The following GRIN2B variants were observed in gnomAD, a reference collection of about 807,000 sequenced individuals.
The protein encoded by GRIN2B is glutamate receptor ionotropic, NMDA 2B.
In GRIN2B, 5 loss-of-function variants were observed where a neutral mutation model predicts 114.5. That is an observed-to-expected ratio of 0.04 (90% CI 0.02 to 0.09). GRIN2B has a LOEUF of 0.09. GRIN2B is among the 10% of genes least tolerant of loss of function. GRIN2B has a pLI of 1.00. For missense variants in GRIN2B, 1,108 were observed against 1,943.5 expected (o/e 0.57, Z 8.08); for synonymous variants, 787 against 745.1 (o/e 1.06, Z -0.92).
At chr12:13,565,853 G>T (rs1301284905) in intron 13 of GRIN2B, among the ~76,000 whole-genome samples, 1 of 152,202 alleles carries the variant, frequency 6.6e-6, no homozygotes, top group Non-Finnish European at 1.5e-5. Flanking sequence ...AGATCTTCAA[G>T]GTAAGGTTAT....
At chr12:13,601,620 A>G (rs1949163326) in intron 10 of GRIN2B, among the ~76,000 whole-genome samples, 2 of 152,130 alleles carry the variant, frequency 1.3e-5, no homozygotes, top group Non-Finnish European at 2.9e-5. Context: ...TCAGGCCCCA[A>G]CAAGGTAGTA....
At chr12:13,921,351 T>G (rs754941665) in intron 2 of GRIN2B, among the ~76,000 whole-genome samples, 1 of 152,132 alleles carries the variant, frequency 6.6e-6, no homozygotes, top group East Asian at 1.9e-4. Flanking sequence ...TGAACCTAGA[T>G]TGTGCCACTG....
At chr12:13,837,832 C>T (rs549709032) in intron 3 of GRIN2B, among the ~76,000 whole-genome samples, 1 of 152,182 alleles carries the variant, frequency 6.6e-6, no homozygotes, top group South Asian at 2.1e-4. Flanking sequence ...GGGATGGCTG[C>T]TATGGTGTGG....
chr12:13,669,682 G>C (rs1950006028), intron 5 of GRIN2B, among the ~76,000 whole-genome samples: 1 of 152,154 alleles, frequency 6.6e-6, no homozygotes, highest in Non-Finnish European at 1.5e-5. Context: ...CACCATGCTA[G>C]GCACAGAGGT....
chr12:13,865,918 C>T lies in GRIN2B; in HGVS notation c.291G>A (p.Val97=), dbSNP rs202223470. ...DLMSDRKIQG[V]VFADDTDQEA... ...CCTGGTCTGTGTCATCAGCAAACAC[C>T]ACCCCCTGGATCTTCCGGTCAGACA... is the stretch of plus-strand genomic sequence containing the variant. Residue 97 remains valine (V), a synonymous_variant, in exon 3 of 14, where the codon GTG becomes GTA. Coordinates refer to ENST00000609686, the MANE Select transcript of GRIN2B (RefSeq NM_000834.5). 261 of 1,613,928 alleles carry T rather than the reference C, an allele frequency of 1.6e-4. No homozygotes were observed. The highest frequency in any genetic ancestry group is 2.1e-4 in the Non-Finnish European group (247 of 1,179,978).
chr12:13,626,464 T>A (rs1415042551), intron 5 of GRIN2B, among the ~76,000 whole-genome samples: 3 of 152,028 alleles, frequency 2.0e-5, no homozygotes, highest in African/African-American at 4.8e-5. Context: ...TATTCTCAAA[T>A]GACAGTTGTG....
intron 4 of GRIN2B, among the ~76,000 whole-genome samples, chr12:13,732,405 G>T (rs978346345): frequency 6.6e-6 from 1 of 152,012 alleles, no homozygotes; most frequent in Non-Finnish European, 1.5e-5. Context: ...CCAAATCTTT[G>T]TTCATGCTAT....
chr12:13,840,214 C>T (rs1005977376), intron 3 of GRIN2B, among the ~76,000 whole-genome samples: 5 of 152,200 alleles, frequency 3.3e-5, no homozygotes, highest in Non-Finnish European at 7.3e-5. Flanking sequence ...GCCAACTTCA[C>T]TCCCTCTGGA....
chr12:13,657,447 C>G (rs988020207), intron 5 of GRIN2B, among the ~76,000 whole-genome samples: 1 of 152,150 alleles, frequency 6.6e-6, no homozygotes, highest in African/African-American at 2.4e-5. Context: ...CCCAGGAGGG[C>G]AGTGCTTGCT....
chr12:13,907,212 C>A (rs187139119), intron 2 of GRIN2B, among the ~76,000 whole-genome samples: 19 of 152,214 alleles, frequency 1.2e-4, no homozygotes, highest in Non-Finnish European at 2.1e-4. Flanking sequence ...TCCAGAGGGC[C>A]GGGCGTGGTG....
intron 3 of GRIN2B, among the ~76,000 whole-genome samples, chr12:13,812,970 T>G (rs904784558): frequency 6.9e-5 from 10 of 144,992 alleles, no homozygotes; most frequent in Non-Finnish European, 1.3e-4. Flanking sequence ...AGTATTGCTG[T>G]CTCTCCAGGC....
At position 13,563,652 on chromosome 12, in the gene GRIN2B, G is replaced by T; in HGVS notation, c.3586C>A (p.Pro1196Thr). 6.2e-7 allele frequency: 1 copy of T among 1,613,768 alleles called. No individual in the cohort carries two copies. Among genetic ancestry groups the T allele is most frequent in the Non-Finnish European group, 8.5e-7 (1 of 1,180,034 alleles). Residue 1196 changes from proline (P) to threonine (T), a missense_variant, in exon 14 of 14, where the codon CCT (proline) becomes ACT (threonine). Physicochemically the swap from Pro to Thr is conservative, Grantham distance 38. Transcript: ENST00000609686. The part of the protein sequence containing the change: ...KHGVVSGVPA[P>T]WEKNLTNVEW... ...ACGTTGGTCAGGTTCTTCTCCCAAG[G>T]TGCAGGTACCCCGCTGACCACGCCG... is the stretch of plus-strand genomic sequence containing the variant.
intron 10 of GRIN2B, among the ~76,000 whole-genome samples, chr12:13,606,372 G>C (rs781644882): frequency 1.9e-4 from 29 of 152,274 alleles, no homozygotes; most frequent in Middle Eastern, 3.4e-3. Flanking sequence ...GGAAGCAAGA[G>C]AGAGGGGAGG....
intron 2 of GRIN2B, among the ~76,000 whole-genome samples, chr12:13,888,627 G>A (rs1457095833): frequency 4.0e-5 from 6 of 151,666 alleles, no homozygotes; most frequent in East Asian, 3.9e-4. Flanking sequence ...CCAGCTACTC[G>A]GGAGGCTGAG....
Position 13,549,218 on chromosome 12 carries a change from G to C in GRIN2B, c.*13565C>G, listed in dbSNP as rs186057667. The C allele has an allele frequency of 6.6e-6, 1 of 152,112 alleles. No homozygotes were observed. Among genetic ancestry groups the C allele is most frequent in the Non-Finnish European group, 1.5e-5 (1 of 68,014 alleles). 9.4% of individuals were successfully genotyped at this position (152,112 alleles called of 1,614,324 possible). A position where few individuals can be genotyped will look rare whatever the true frequency, so the allele number is the denominator to read the frequency against. ...TTGTTGCAAGATTCTCTGATCTGCG[G>C]GTGCTTAATAAATAATTCACCATTG... On this transcript the variant is annotated 3_prime_UTR_variant, in exon 14 of 14. Transcript: ENST00000609686.
chr12:13,603,208 A>C (rs919358527), intron 10 of GRIN2B, among the ~76,000 whole-genome samples: 15 of 152,234 alleles, frequency 9.9e-5, no homozygotes, highest in Admixed American at 7.9e-4. Flanking sequence ...AATGTCTCTA[A>C]AAGGCTTATT....
At chr12:13,773,832 G>A (rs2136648494) in intron 3 of GRIN2B, among the ~76,000 whole-genome samples, 1 of 152,292 alleles carries the variant, frequency 6.6e-6, no homozygotes, top group South Asian at 2.1e-4. Flanking sequence ...GGTACATAGA[G>A]GGGAACTAGT....
chr12:13,888,930 T>C (rs1119262), intron 2 of GRIN2B, among the ~76,000 whole-genome samples: 23,169 of 152,070 alleles, frequency 0.15, 2,100 homozygotes, highest in South Asian at 0.19. Context: ...AAACATTGAA[T>C]ACTTAGGATA....
At chr12:13,707,755 G>GA (rs928023132) in intron 4 of GRIN2B, among the ~76,000 whole-genome samples, 41 of 150,512 alleles carry the variant, frequency 2.7e-4, no homozygotes, top group Admixed American at 7.9e-4. Flanking sequence ...CAGTAAAATT[G>GA]AAAAAAAAAT....
Sources: gnomAD v4.1 joint callset for allele counts (sites outside exome capture counted in the v4.1 genomes callset) on GRCh38, gnomAD v4.1.1 for gene constraint, MANE v1.5 for transcripts, NCBI Gene and HGNC (gene_info 2026-07-23, HGNC 2026-07-21) for gene names.